The following THEMIS variants were observed in gnomAD, a reference collection of about 807,000 sequenced individuals.
The protein encoded by THEMIS is thymocyte selection associated.
In THEMIS, 37 loss-of-function variants were observed where a neutral mutation model predicts 52.6. That is an observed-to-expected ratio of 0.70 (90% CI 0.54 to 0.93). THEMIS has a LOEUF of 0.93. Ranked by LOEUF, THEMIS falls within the 40% of genes least tolerant of loss-of-function variation. The pLI, the probability that THEMIS is intolerant of heterozygous loss-of-function variation, is 0.00. For missense variants in THEMIS, 808 were observed against 763.1 expected, an observed-to-expected ratio of 1.06 and a Z score of -0.69; for synonymous variants, 292 against 272.7, an observed-to-expected ratio of 1.07 and a Z score of -0.70.
At chr6:127,916,700 T>G (rs995343774) in intron 1 of THEMIS, among the ~76,000 whole-genome samples, 2 of 152,214 alleles carry the variant, frequency 1.3e-5, no homozygotes, top group Non-Finnish European at 2.9e-5. Context: ...ATCTCATACC[T>G]CCATATTCTG....
rs184353638 is a variant in THEMIS, at chr6:127,740,373, C to T, written c.1759-20550G>A. ...ATGGCTGAAGTTACCCGTTTGTGAC[C>T]CCTGGTAGATAGCCTCTAGTGGATT... On this transcript the variant is annotated intron_variant, in intron 4 of 5. Transcript: ENST00000368248. 2.0e-4 allele frequency among the ~76,000 whole-genome samples: 31 copies of T among 152,048 alleles called. 2 individuals carry two copies. In the East Asian group the frequency reaches 3.7e-3, roughly 18 times the overall value.
At chr6:127,715,486 A>G (rs1243175075) in intron 5 of THEMIS, among the ~76,000 whole-genome samples, 1 of 151,940 alleles carries the variant, frequency 6.6e-6, no homozygotes, top group African/African-American at 2.4e-5. Flanking sequence ...CCATATAATC[A>G]GCCTTTCAAT....
chr6:127,826,911 G>A (rs949401740), intron 3 of THEMIS, among the ~76,000 whole-genome samples: 1 of 151,932 alleles, frequency 6.6e-6, no homozygotes, highest in African/African-American at 2.4e-5. Context: ...CAAGTTTCCA[G>A]AAACAAATAC....
chr6:127,833,470 T>C (rs1281175612), intron 2 of THEMIS, among the ~76,000 whole-genome samples: 3 of 152,222 alleles, frequency 2.0e-5, no homozygotes, highest in Non-Finnish European at 2.9e-5. Context: ...CTGGTAGTCA[T>C]AGCTCTGGAA....
chr6:127,747,400 ATATAT>A (rs1775486560), intron 4 of THEMIS, among the ~76,000 whole-genome samples: 1 of 146,456 alleles, frequency 6.8e-6, no homozygotes, highest in African/African-American at 2.5e-5. Context: ...TAGATTTATC[ATATAT>A]TATAGATGTA....
chr6:127,726,091 G>C (rs1774536260), intron 4 of THEMIS, among the ~76,000 whole-genome samples: 1 of 152,100 alleles, frequency 6.6e-6, no homozygotes, highest in African/African-American at 2.4e-5. Flanking sequence ...AACTTCACCA[G>C]CAGTCACAGG....
intron 1 of THEMIS, among the ~76,000 whole-genome samples, chr6:127,862,724 G>A (rs1394118728): frequency 6.6e-6 from 1 of 151,552 alleles, no homozygotes; most frequent in Non-Finnish European, 1.5e-5. Context: ...CCAGCCCCAG[G>A]AGATGAATTC....
chr6:127,809,561 T>C (rs2114592171), intron 4 of THEMIS, among the ~76,000 whole-genome samples: 1 of 152,222 alleles, frequency 6.6e-6, no homozygotes, highest in Non-Finnish European at 1.5e-5. Context: ...GCTTTATCTA[T>C]CACACTAGAA....
At chr6:127,852,371 T>C (rs1055368965) in intron 2 of THEMIS, among the ~76,000 whole-genome samples, 6 of 151,398 alleles carry the variant, frequency 4.0e-5, no homozygotes, top group African/African-American at 1.2e-4. Context: ...ACTTGAACAA[T>C]ACACATAAAC....
At chr6:127,895,002 A>T (rs1158716912) in intron 1 of THEMIS, among the ~76,000 whole-genome samples, 1 of 148,812 alleles carries the variant, frequency 6.7e-6, no homozygotes, top group East Asian at 1.9e-4. Flanking sequence ...TTTATATGAA[A>T]AAAATGTATA....
intron 3 of THEMIS, among the ~76,000 whole-genome samples, chr6:127,822,158 C>T (rs1054827267): frequency 6.6e-6 from 1 of 151,916 alleles, no homozygotes; most frequent in Non-Finnish European, 1.5e-5. Context: ...TGTTTAGTTA[C>T]ATATTTGCAT....
At chr6:127,911,145 C>G (rs1248997299) in intron 1 of THEMIS, among the ~76,000 whole-genome samples, 1 of 151,194 alleles carries the variant, frequency 6.6e-6, no homozygotes, top group Non-Finnish European at 1.5e-5. Context: ...ATAATGTTAA[C>G]TTTATCTGAC....
At chr6:127,724,295 A>T (rs1774464390) in intron 4 of THEMIS, among the ~76,000 whole-genome samples, 1 of 152,146 alleles carries the variant, frequency 6.6e-6, no homozygotes, top group Non-Finnish European at 1.5e-5. Flanking sequence ...TACATTGGTC[A>T]TCTATCTATG....
At chr6:127,753,532 T>G (rs919258329) in intron 4 of THEMIS, among the ~76,000 whole-genome samples, 8 of 151,888 alleles carry the variant, frequency 5.3e-5, no homozygotes, top group Non-Finnish European at 1.0e-4. Context: ...AATTAAAAGA[T>G]ATCTACATTA....
At chr6:127,767,431 T>G (rs1391624443) in intron 4 of THEMIS, among the ~76,000 whole-genome samples, 5 of 152,244 alleles carry the variant, frequency 3.3e-5, no homozygotes, top group Non-Finnish European at 7.4e-5. Context: ...AGCTTTTTTT[T>G]CAATGTTTAA....
rs973983370 is a variant in THEMIS at position 127,910,659 on chromosome 6, C to T, written c.-150+7769G>A. Among the ~76,000 whole-genome samples the T allele has an allele frequency of 2.6e-5, 4 of 152,098 alleles. No individual in the cohort carries two copies. The South Asian group carries it at 6.2e-4, about 24-fold the overall frequency. On this transcript the variant is annotated intron_variant, in intron 1 of 6. Transcript: ENST00000368250. The stretch of plus-strand genomic sequence containing the variant: ...ATTATTTGAGAATAGGTTATAGAAT[C>T]ATAGAAAAGTTGCAGAGATAGTACA...
intron 4 of THEMIS, among the ~76,000 whole-genome samples, chr6:127,730,123 C>A (rs1774713413): frequency 6.6e-6 from 1 of 151,424 alleles, no homozygotes; most frequent in Non-Finnish European, 1.5e-5. Flanking sequence ...AATAAAAAGC[C>A]AGGAGTGGTG....
chr6:127,794,448 C>T (rs757001612), intron 4 of THEMIS, among the ~76,000 whole-genome samples: 5 of 152,340 alleles, frequency 3.3e-5, no homozygotes, highest in South Asian at 2.1e-4. Context: ...GATGTCATCT[C>T]CTTTTATCAG....
intron 3 of THEMIS, among the ~76,000 whole-genome samples, chr6:127,814,356 T>C (rs2114611312): frequency 6.6e-6 from 1 of 152,360 alleles, no homozygotes; most frequent in South Asian, 2.1e-4. Flanking sequence ...TGAAGGTTTA[T>C]AAATTATTAG....
Sources: gnomAD v4.1 joint callset for allele counts (sites outside exome capture counted in the v4.1 genomes callset) on GRCh38, gnomAD v4.1.1 for gene constraint, MANE v1.5 for transcripts, NCBI Gene and HGNC (gene_info 2026-07-23, HGNC 2026-07-21) for gene names.